Variants in CNBD1 observed in about 807,000 individuals in gnomAD.
CNBD1 encodes cyclic nucleotide-binding domain-containing protein 1.
In CNBD1, 71 loss-of-function variants were observed where a neutral mutation model predicts 54.4. The observed-to-expected ratio is 1.30, with a 90% CI of 1.08 to 1.59. The LOEUF is 1.59. Ranked by LOEUF, CNBD1 falls within the 40% of genes most tolerant of loss-of-function variation. The pLI, the probability that CNBD1 is intolerant of heterozygous loss-of-function variation, is 0.00. For synonymous variants in CNBD1, 182 were observed against 170.7 expected (o/e 1.07, Z -0.51); for missense variants, 659 against 518.0 (o/e 1.27, Z -2.64).
intron 4 of CNBD1, among the ~76,000 whole-genome samples, chr8:86,949,963 T>TTTTG (rs1807568103): frequency 1.5e-5 from 2 of 131,100 alleles, no homozygotes; most frequent in African/African-American, 2.9e-5. Context: ...TTTTTTTTTT[T>TTTTG]TTTTTTTTTT....
At chr8:87,331,259 G>C (rs1267826027) in intron 8 of CNBD1, among the ~76,000 whole-genome samples, 2 of 152,138 alleles carry the variant, frequency 1.3e-5, no homozygotes, top group Non-Finnish European at 2.9e-5. Context: ...TCCCCGATGT[G>C]TGTCCATGTG....
intron 4 of CNBD1, among the ~76,000 whole-genome samples, chr8:86,956,924 G>A (rs1433754705): frequency 6.6e-6 from 1 of 152,186 alleles, no homozygotes; most frequent in Non-Finnish European, 1.5e-5. Context: ...CAAAGGCAAT[G>A]CTTCCAGTTT....
chr8:86,955,647 C>G (rs1034587734), intron 4 of CNBD1, among the ~76,000 whole-genome samples: 3 of 152,112 alleles, frequency 2.0e-5, no homozygotes, highest in East Asian at 1.9e-4. Flanking sequence ...AGAAGTGTCT[C>G]TTCATATCCT....
chr8:87,296,203 T>C (rs1167813846), intron 8 of CNBD1, among the ~76,000 whole-genome samples: 1 of 152,212 alleles, frequency 6.6e-6, no homozygotes, highest in African/African-American at 2.4e-5. Flanking sequence ...GATCCACCAT[T>C]CCTGTCTTCT....
At chr8:87,313,103 G>C (rs149973149) in intron 8 of CNBD1, among the ~76,000 whole-genome samples, 2 of 152,026 alleles carry the variant, frequency 1.3e-5, no homozygotes, top group East Asian at 3.9e-4. Context: ...AGATGGGCAA[G>C]GATTTTTACT....
At chr8:86,944,722 A>C (rs1481542290) in intron 4 of CNBD1, among the ~76,000 whole-genome samples, 1 of 152,214 alleles carries the variant, frequency 6.6e-6, no homozygotes, top group African/African-American at 2.4e-5. Context: ...ATTATCATTT[A>C]GGGTCTCATA....
intron 8 of CNBD1, among the ~76,000 whole-genome samples, chr8:87,296,117 C>A (rs1808871211): frequency 6.6e-6 from 1 of 151,912 alleles, no homozygotes; most frequent in Non-Finnish European, 1.5e-5. Flanking sequence ...TAAATAGGTA[C>A]AATTATAATA....
intron 8 of CNBD1, among the ~76,000 whole-genome samples, chr8:87,333,248 C>G (rs1052692002): frequency 6.6e-6 from 1 of 152,114 alleles, no homozygotes; most frequent in Non-Finnish European, 1.5e-5. Flanking sequence ...GCTGAAGTTG[C>G]TTATCAGCTT....
intron 3 of CNBD1, among the ~76,000 whole-genome samples, chr8:86,925,482 AGTGTGTG>A (rs1809342413): frequency 7.1e-6 from 1 of 141,730 alleles, no homozygotes; most frequent in Non-Finnish European, 1.5e-5. Flanking sequence ...CTTACCAAAA[AGTGTGTG>A]TGTGTGTGTG....
intron 4 of CNBD1, among the ~76,000 whole-genome samples, chr8:87,087,708 C>G (rs577844958): frequency 6.6e-6 from 1 of 152,122 alleles, no homozygotes; most frequent in African/African-American, 2.4e-5. Context: ...CCTCGTGATC[C>G]GCCCGCCTCG....
intron 6 of CNBD1, among the ~76,000 whole-genome samples, chr8:87,267,766 A>G (rs908996303): frequency 2.6e-5 from 4 of 152,176 alleles, no homozygotes; most frequent in African/African-American, 7.2e-5. Flanking sequence ...CTTTATCCAG[A>G]TAGTGGGCCC....
intron 6 of CNBD1, among the ~76,000 whole-genome samples, chr8:87,274,865 A>G (rs1808442198): frequency 7.5e-6 from 1 of 134,096 alleles, no homozygotes; most frequent in Non-Finnish European, 1.6e-5. Flanking sequence ...CCTGAATGGT[A>G]ATTTTAGCCT....
intron 4 of CNBD1, among the ~76,000 whole-genome samples, chr8:86,993,312 A>C (rs1808794780): frequency 6.6e-6 from 1 of 151,944 alleles, no homozygotes; most frequent in East Asian, 1.9e-4. Flanking sequence ...CCAGAAGAGC[A>C]ATGTTGTTCT....
At chr8:87,051,501 G>T (rs1200228936) in intron 4 of CNBD1, among the ~76,000 whole-genome samples, 1 of 152,178 alleles carries the variant, frequency 6.6e-6, no homozygotes, top group Non-Finnish European at 1.5e-5. Flanking sequence ...AGAGCTGAGA[G>T]CCTTGAACAG....
intron 2 of CNBD1, among the ~76,000 whole-genome samples, chr8:87,412,671 G>A (rs937922446): frequency 1.3e-5 from 2 of 152,034 alleles, no homozygotes; most frequent in African/African-American, 4.8e-5. Flanking sequence ...TCAATTGATA[G>A]ATGTTTATTT....
At chr8:86,869,001 A>C (rs1396561822) in intron 1 of CNBD1, among the ~76,000 whole-genome samples, 1 of 151,870 alleles carries the variant, frequency 6.6e-6, no homozygotes, top group Non-Finnish European at 1.5e-5. Context: ...GGCTTTGAAG[A>C]TGGAGGGGGG....
intron 4 of CNBD1, among the ~76,000 whole-genome samples, chr8:87,130,268 A>G (rs919673501): frequency 6.6e-6 from 1 of 152,122 alleles, no homozygotes; most frequent in Non-Finnish European, 1.5e-5. Flanking sequence ...TAGAGCACAT[A>G]TTTTGTGCAA....
intron 10 of CNBD1, among the ~76,000 whole-genome samples, chr8:87,371,420 A>G (rs1386592368): frequency 1.3e-5 from 2 of 151,702 alleles, no homozygotes; most frequent in Admixed American, 6.6e-5. Context: ...GTGGTTTGTA[A>G]TTCTCCTTGA....
At chr8:87,378,732 A>G (rs527772271) in intron 10 of CNBD1, among the ~76,000 whole-genome samples, 1 of 151,052 alleles carries the variant, frequency 6.6e-6, no homozygotes, top group Non-Finnish European at 1.5e-5. Flanking sequence ...TGAATCTGTA[A>G]ATTACCTTGG....
Sources: gnomAD v4.1 joint callset for allele counts (sites outside exome capture counted in the v4.1 genomes callset) on GRCh38, gnomAD v4.1.1 for gene constraint, MANE v1.5 for transcripts, NCBI Gene and HGNC (gene_info 2026-07-23, HGNC 2026-07-21) for gene names.